Variants in GNG13 observed in about 807,000 individuals in gnomAD.
The protein encoded by GNG13 is guanine nucleotide-binding protein G(I)/G(S)/G(O) subunit gamma-13.
In GNG13, 12 loss-of-function variants were observed where a neutral mutation model predicts 8.2. The observed-to-expected ratio is 1.47, with a 90% confidence interval of 0.94 to 2.38. The LOEUF (loss-of-function observed/expected upper bound fraction) is 2.38. Ranked by LOEUF, GNG13 falls within the 30% of genes most tolerant of loss-of-function variation. The pLI is 0.00. For synonymous variants in GNG13, 45 were observed against 33.0 expected, an observed-to-expected ratio of 1.37 and a Z score of -1.25; for missense variants, 100 against 85.2, an observed-to-expected ratio of 1.17 and a Z score of -0.68.
At chr16:800,203 ACT>A (rs1437684751) in intron 1 of GNG13, among the ~76,000 whole-genome samples, 2 of 151,762 alleles carry the variant, frequency 1.3e-5, no homozygotes, top group Non-Finnish European at 2.9e-5. Flanking sequence ...CCTCCCGGAG[ACT>A]CTGGAGTTCC....
chr16:799,367 C>T (rs569496815), intron 1 of GNG13, among the ~76,000 whole-genome samples: 1 of 152,318 alleles, frequency 6.6e-6, no homozygotes, highest in South Asian at 2.1e-4. Context: ...CCCCATAGGC[C>T]CCCACACCTT....
At position 799,055 on chromosome 16, in the gene GNG13, TG is replaced by T. The variant is rs772404269; in HGVS notation, c.22del (p.Gln8ArgfsTer2). ...GAGGCTCTCCACCTCTTTCTTCATC[TG>T]TGGCACGTCCCACTCCTCCATGGGG... is the stretch of plus-strand genomic sequence containing the variant. MEEWDVP[Q>X]MKKEVESLKY... On this transcript the variant is annotated frameshift_variant, in exon 2 of 3. Coordinates refer to ENST00000248150, the MANE Select transcript of GNG13 (RefSeq NM_016541.3). LOFTEE classifies it high-confidence loss of function. 3 of 1,608,382 alleles carry T rather than the reference TG, an allele frequency of 1.9e-6. No homozygotes were observed. The East Asian group carries it at 6.7e-5, about 36-fold the overall frequency.
At chr16:799,302 C>T (rs921979907) in intron 1 of GNG13, among the ~76,000 whole-genome samples, 191 bp from the exon 2 acceptor site, 8 of 152,196 alleles carry the variant, frequency 5.3e-5, no homozygotes, top group African/African-American at 1.9e-4. Context: ...CCCCAGCTCC[C>T]GCCTCCTGCA....
At chr16:799,213 G>C (rs1167655147) in intron 1 of GNG13, 102 bp from the exon 2 acceptor site, 5 of 654,716 alleles carry the variant, frequency 7.6e-6, no homozygotes, top group Non-Finnish European at 1.4e-5. Flanking sequence ...AGGATGAAGC[G>C]GGGAGAGTCC....
At position 798,688 on chromosome 16, in the gene GNG13, A is replaced by G. The variant is rs2042420038; in HGVS notation, c.*31T>C. The G allele has an allele frequency of 1.5e-6, 2 of 1,343,412 alleles. No individual in the cohort carries two copies. The highest frequency in any genetic ancestry group is 2.1e-6 in the Non-Finnish European group (2 of 934,226). The allele number at this position is 1,343,412 out of a possible 1,614,324, so 83.2% of individuals were successfully genotyped here. On this transcript the variant is annotated 3_prime_UTR_variant, in exon 3 of 3. Transcript: ENST00000248150. ...GGAGTGGGGCCGGGCGTGGTCTCACAGGATGGTGTGAGAGGGGCCGGGTGC... is the reference window on the plus strand; with the variant it reads ...GGAGTGGGGCCGGGCGTGGTCTCACGGGATGGTGTGAGAGGGGCCGGGTGC...
chr16:798,237 C>T lies in GNG13; in HGVS notation c.*482G>A, dbSNP rs1400921392. The T allele has an allele frequency of 6.7e-6, 4 of 594,884 alleles. No individual in the cohort carries two copies. The highest frequency in any genetic ancestry group is 5.7e-5 in the Admixed American group (2 of 34,916). The allele number at this position is 594,884 out of a possible 1,614,324, so 36.9% of individuals were successfully genotyped here. A position where few individuals can be genotyped will look rare whatever the true frequency, so the allele number is the denominator to read the frequency against. On this transcript the variant is annotated 3_prime_UTR_variant, in exon 3 of 3. Coordinates refer to ENST00000248150, the MANE Select transcript of GNG13 (RefSeq NM_016541.3). ...GTGAGTGGGGCCGGGCGTGGTCTCA[C>T]AGGATGGAGTGAATGGGGCCGGGCA...
Position 798,392 on chromosome 16 carries a change from G to T in GNG13, c.*327C>A. Reference sequence around the variant, plus strand: ...TGGGGCTCACAGGATGGTGGGAGTGGGGCTGGGAGTGGGGCTCACAGGATG... The same window carrying T: ...TGGGGCTCACAGGATGGTGGGAGTGTGGCTGGGAGTGGGGCTCACAGGATG... On this transcript the variant is annotated 3_prime_UTR_variant, in exon 3 of 3. Coordinates refer to ENST00000248150, the MANE Select transcript of GNG13 (RefSeq NM_016541.3). 1 of 508,240 alleles carries T rather than the reference G, an allele frequency of 2.0e-6. No individual in the cohort carries two copies. The allele number at this position is 508,240 out of a possible 1,614,324, so 31.5% of individuals were successfully genotyped here. A position where few individuals can be genotyped will look rare whatever the true frequency, so the allele number is the denominator to read the frequency against.
At position 798,664 on chromosome 16, in the gene GNG13, G is replaced by A; in HGVS notation, c.*55C>T. ...TGGGCACAGTCTTACAAGATGGTGGGAGTGGGGCCGGGCGTGGTCTCACAG... is the reference window on the plus strand; with the variant it reads ...TGGGCACAGTCTTACAAGATGGTGGAAGTGGGGCCGGGCGTGGTCTCACAG... On this transcript the variant is annotated 3_prime_UTR_variant, in exon 3 of 3. Transcript: ENST00000248150. 1 of 1,035,260 alleles carries A rather than the reference G, an allele frequency of 9.7e-7. No homozygotes were observed. Among genetic ancestry groups the A allele is most frequent in the East Asian group, 2.4e-5 (1 of 42,222 alleles). The allele number at this position is 1,035,260 out of a possible 1,614,324, so 64.1% of individuals were successfully genotyped here.
intron 2 of GNG13, 26 bp from the exon 3 acceptor site, chr16:798,850 G>A (rs371326110): frequency 2.0e-6 from 3 of 1,513,770 alleles, no homozygotes; most frequent in Non-Finnish European, 2.7e-6. Context: ...TGGCAGGTGA[G>A]TGGTGGCACC....
Position 798,193 on chromosome 16 carries a change from C to T in GNG13, c.*526G>A, listed in dbSNP as rs140816183. 53 of 615,634 alleles carry T rather than the reference C, an allele frequency of 8.6e-5. No homozygotes were observed. Among genetic ancestry groups the T allele is most frequent in the African/African-American group, 3.4e-4 (14 of 41,104 alleles). 38.1% of individuals were successfully genotyped at this position (615,634 alleles called of 1,614,324 possible). ...ACAGGATGGTGGGAGTGGGGCCAGG[C>T]GTGGTCTCACAGGATAGAGTGAGTG... is the stretch of plus-strand genomic sequence containing the variant. On this transcript the variant is annotated 3_prime_UTR_variant, in exon 3 of 3. Transcript: ENST00000248150.
chr16:799,899 G>A (rs2042432465), intron 1 of GNG13, among the ~76,000 whole-genome samples: 1 of 143,074 alleles, frequency 7.0e-6, no homozygotes, highest in African/African-American at 2.5e-5. Context: ...CGTCCCCAAG[G>A]TTGGGAGACA....
At chr16:798,915 A>G (rs2042423148) in intron 2 of GNG13, 65 bp downstream of exon 2, 26 of 1,357,186 alleles carry the variant, frequency 1.9e-5, no homozygotes, top group South Asian at 1.4e-4. Flanking sequence ...GGTCGTGGCT[A>G]TGGAAATGAG....
At position 798,208 on chromosome 16, in the gene GNG13, TAGAG is replaced by T. The variant is rs1173908383; in HGVS notation, c.*507_*510del. 6.6e-6 allele frequency: 4 copies of T among 604,448 alleles called. No individual in the cohort carries two copies. The highest frequency in any genetic ancestry group is 1.1e-5 in the Non-Finnish European group (4 of 352,450). The allele number at this position is 604,448 out of a possible 1,614,324, so 37.4% of individuals were successfully genotyped here. On this transcript the variant is annotated 3_prime_UTR_variant, in exon 3 of 3. Transcript: ENST00000248150. ...TGGGGCCAGGCGTGGTCTCACAGGATAGAGTGAGTGGGGCCGGGCGTGGTCTCAC... is the reference window on the plus strand; with the variant it reads ...TGGGGCCAGGCGTGGTCTCACAGGATTGAGTGGGGCCGGGCGTGGTCTCAC...
In GNG13 at chr16:798,269, T is replaced by TAA. The variant is rs2042413083; in HGVS notation, c.*449_*450insTT. 1.1e-5 allele frequency: 6 copies of TAA among 545,122 alleles called. No individual in the cohort carries two copies. Among genetic ancestry groups the TAA allele is most frequent in the Non-Finnish European group, 2.0e-5 (6 of 305,848 alleles). 33.8% of individuals were successfully genotyped at this position (545,122 alleles called of 1,614,324 possible). On this transcript the variant is annotated 3_prime_UTR_variant, in exon 3 of 3. Coordinates refer to ENST00000248150, the MANE Select transcript of GNG13 (RefSeq NM_016541.3). ...GAGTGAATGGGGCCGGGCACAGTCTTACAAGATGTTGTGAGTGGGGCCGGG... is the reference window on the plus strand; with the variant it reads ...GAGTGAATGGGGCCGGGCACAGTCTTAAACAAGATGTTGTGAGTGGGGCCGGG...
At chr16:800,137 G>A (rs1034903198) in intron 1 of GNG13, among the ~76,000 whole-genome samples, 7 of 152,144 alleles carry the variant, frequency 4.6e-5, no homozygotes, top group Middle Eastern at 3.2e-3. Context: ...GTGGGAGGCC[G>A]GGGAGCGAGC....
chr16:800,183 C>T (rs773162693), intron 1 of GNG13, among the ~76,000 whole-genome samples: 1 of 152,160 alleles, frequency 6.6e-6, no homozygotes, highest in Non-Finnish European at 1.5e-5. Flanking sequence ...CAGGGTCATG[C>T]AGAGGATTCC....
At chr16:799,680 G>A (rs1027575370) in intron 1 of GNG13, among the ~76,000 whole-genome samples, 2 of 152,184 alleles carry the variant, frequency 1.3e-5, no homozygotes, top group Non-Finnish European at 2.9e-5. Flanking sequence ...GATATGGGCT[G>A]TGGGTGGCCC....
intron 2 of GNG13, 57 bp downstream of exon 2, chr16:798,923 G>T: frequency 7.3e-7 from 1 of 1,369,192 alleles, no homozygotes; most frequent in South Asian, 1.2e-5. Flanking sequence ...CTATGGAAAT[G>T]AGCAGCCAGC....
Position 798,507 on chromosome 16 carries a change from T to G in GNG13, c.*212A>C. On this transcript the variant is annotated 3_prime_UTR_variant, in exon 3 of 3. Transcript: ENST00000248150. ...AGGATGGAGTGAATGGGGCTGGGCA[T>G]AGTCTTACAAGATGGAGTGAGTGGG... 5.8e-6 allele frequency: 3 copies of G among 516,900 alleles called. No homozygotes were observed. Among genetic ancestry groups the G allele is most frequent in the Non-Finnish European group, 7.1e-6 (2 of 282,768 alleles). The allele number at this position is 516,900 out of a possible 1,614,324, so 32.0% of individuals were successfully genotyped here.
Sources: gnomAD v4.1 joint callset for allele counts (sites outside exome capture counted in the v4.1 genomes callset) on GRCh38, gnomAD v4.1.1 for gene constraint, MANE v1.5 for transcripts, NCBI Gene and HGNC (gene_info 2026-07-23, HGNC 2026-07-21) for gene names.